SEMA3G: variants seen among roughly 807,000 people sequenced by gnomAD.
The protein encoded by SEMA3G is semaphorin 3G, also known as semaphorin-3G.
A neutral mutation model predicts 86.2 loss-of-function variants in SEMA3G; 70 were observed. That is an observed-to-expected ratio of 0.81 (90% CI 0.67 to 0.99). SEMA3G has a LOEUF of 0.99. Ranked by LOEUF, SEMA3G falls within the 50% of genes least tolerant of loss-of-function variation. The probability of loss-of-function intolerance (pLI) is 0.00; values close to 1 mark genes in which losing one functional copy is unlikely to be tolerated. For missense variants in SEMA3G, 1,002 were observed against 1,072.4 expected (o/e 0.93, Z 0.92); for synonymous variants, 416 against 441.4 (o/e 0.94, Z 0.72).
intron 1 of SEMA3G, among the ~76,000 whole-genome samples, chr3:52,443,830 C>A (rs1011930423): frequency 5.3e-5 from 8 of 152,208 alleles, no homozygotes; most frequent in African/African-American, 1.9e-4. Flanking sequence ...CAGGGACGAG[C>A]GCCATCTCCC....
intron 10 of SEMA3G, 122 bp downstream of exon 10, chr3:52,440,255 G>T: frequency 1.7e-6 from 2 of 1,155,596 alleles, no homozygotes; most frequent in Non-Finnish European, 2.4e-6. Context: ...GCCCTCTGGA[G>T]CCCAGGCTTG....
rs1439310384 is a variant in SEMA3G, at chr3:52,433,549, T to C, written c.*2054A>G. 1 of 152,568 alleles carries C rather than the reference T, an allele frequency of 6.6e-6. No homozygotes were observed. The highest frequency in any genetic ancestry group is 1.9e-4 in the East Asian group (1 of 5,184). The allele number at this position is 152,568 out of a possible 1,614,324, so 9.5% of individuals were successfully genotyped here. The stretch of plus-strand genomic sequence containing the variant: ...CAGGAGTTAATAGCATACAGTACCA[T>C]GGGTAGGGTGTGGTTGGCAGAAGCT... On this transcript the variant is annotated 3_prime_UTR_variant, in exon 16 of 16. Transcript: ENST00000231721.
Position 52,441,844 on chromosome 3 carries a change from G to A in SEMA3G, c.525C>T (p.Ser175=). ...CTATGAAGGTGCTGGCAAAGGGACGGCTGGGCTCGTGAGGGCACCGCCCCC... is the reference window on the plus strand; with the variant it reads ...CTATGAAGGTGCTGGCAAAGGGACGACTGGGCTCGTGAGGGCACCGCCCCC... ...SGRGRCPHEP[S]RPFASTFIDG... Residue 175 remains serine (S), a synonymous_variant, in exon 5 of 16, where the codon AGC becomes AGT. Coordinates refer to ENST00000231721, the MANE Select transcript of SEMA3G (RefSeq NM_020163.3). 1 of 1,603,118 alleles carries A rather than the reference G, an allele frequency of 6.2e-7. No individual in the cohort carries two copies. Among genetic ancestry groups the A allele is most frequent in the Non-Finnish European group, 8.5e-7 (1 of 1,175,062 alleles).
intron 14 of SEMA3G, 56 bp downstream of exon 14, chr3:52,437,915 G>T: frequency 2.7e-6 from 4 of 1,491,688 alleles, no homozygotes; most frequent in Non-Finnish European, 1.9e-6. Flanking sequence ...GGGTGGAGCC[G>T]GGCCACAGGG....
chr3:52,442,546 C>G lies in SEMA3G; in HGVS notation c.339+13G>C, dbSNP rs552958467. Reference sequence around the variant, plus strand: ...TGTCAGGTCGGGGGACCATCCCTCCCGACAGCACTCACCAAAGGATCTCTT... The same window carrying G: ...TGTCAGGTCGGGGGACCATCCCTCCGGACAGCACTCACCAAAGGATCTCTT... On this transcript the variant is annotated intron_variant, in intron 3 of 15. Transcript: ENST00000231721. This position sits in a 1 kb window ranked among gnomAD's most constrained non-coding sequence, Gnocchi z 6.1. 1.2e-6 allele frequency: 2 copies of G among 1,613,930 alleles called. No homozygotes were observed. The highest frequency in any genetic ancestry group is 2.2e-5 in the East Asian group (1 of 44,872).
rs1559608241 is a variant in SEMA3G, at chr3:52,436,048, T to G, written c.1904A>C (p.His635Pro). 3.1e-6 allele frequency: 5 copies of G among 1,611,508 alleles called. No individual in the cohort carries two copies. The highest frequency in any genetic ancestry group is 4.2e-6 in the Non-Finnish European group (5 of 1,178,632). ...DQVKTDERVL[H>P]TERGLLFRRL... Reference sequence around the variant, plus strand: ...GCGGAACAGCAGCCCCCGCTCCGTGTGCAAGACTCGCTCGTCCGTCTTCAC... The same window carrying G: ...GCGGAACAGCAGCCCCCGCTCCGTGGGCAAGACTCGCTCGTCCGTCTTCAC... Residue 635 changes from histidine (H) to proline (P), a missense_variant, in exon 16 of 16, where the codon CAC (histidine) becomes CCC (proline). Transcript: ENST00000231721.
At position 52,433,625 on chromosome 3, in the gene SEMA3G, C is replaced by T. The variant is rs774675210; in HGVS notation, c.*1978G>A. The T allele has an allele frequency of 1.3e-5, 2 of 152,612 alleles. No homozygotes were observed. Among genetic ancestry groups the T allele is most frequent in the Non-Finnish European group, 2.9e-5 (2 of 68,034 alleles). The allele number at this position is 152,612 out of a possible 1,614,324, so 9.5% of individuals were successfully genotyped here. ...TCGTTGCTGAGGATCTTGTGCTCCT[C>T]CTCCCTTCGTTTTCTAGAGTAACTT... On this transcript the variant is annotated 3_prime_UTR_variant, in exon 16 of 16. Transcript: ENST00000231721.
intron 13 of SEMA3G, chr3:52,438,624 G>T: frequency 2.0e-6 from 2 of 985,492 alleles, no homozygotes; most frequent in Non-Finnish European, 2.4e-6. Context: ...AATATAGTAG[G>T]CCTCTAAAAA....
chr3:52,438,274 G>T, intron 13 of SEMA3G, 75 bp from the exon 14 acceptor site: 1 of 1,461,936 alleles, frequency 6.8e-7, no homozygotes, highest in Non-Finnish European at 9.4e-7. Context: ...CAGCCCCTCA[G>T]CTTCCTGAGA....
chr3:52,438,700 C>T (rs1050213854), intron 13 of SEMA3G: 2 of 985,390 alleles, frequency 2.0e-6, no homozygotes, highest in African/African-American at 3.5e-5. Flanking sequence ...CCCTTAGGAA[C>T]TGGCCTTTGT....
Position 52,439,857 on chromosome 3 carries a change from G to T in SEMA3G, c.1375+10C>A, listed in dbSNP as rs1468853133. ...TCTCCAGCCTGGCCACCCTGGCTCA[G>T]CTGTCCTACCAGTCCCCAGGAAAAT... On this transcript the variant is annotated intron_variant, in intron 11 of 15. Coordinates refer to ENST00000231721, the MANE Select transcript of SEMA3G (RefSeq NM_020163.3). The T allele has an allele frequency of 6.2e-7, 1 of 1,611,946 alleles. No homozygotes were observed. Among genetic ancestry groups the T allele is most frequent in the Non-Finnish European group, 8.5e-7 (1 of 1,178,496 alleles).
intron 1 of SEMA3G, among the ~76,000 whole-genome samples, chr3:52,444,688 C>T (rs572534957): frequency 1.0e-5 from 1 of 98,246 alleles, no homozygotes; most frequent in Non-Finnish European, 2.0e-5. Flanking sequence ...CACGCAAACT[C>T]GGCACACGCA....
rs752115029 is a variant in SEMA3G, at chr3:52,445,069, C to G, written c.-42G>C. 1.6e-6 allele frequency: 2 copies of G among 1,255,740 alleles called. No individual in the cohort carries two copies. The highest frequency in any genetic ancestry group is 4.2e-5 in the Admixed American group (1 of 23,770). 77.8% of individuals were successfully genotyped at this position (1,255,740 alleles called of 1,614,324 possible). On this transcript the variant is annotated 5_prime_UTR_variant, in exon 1 of 16. Coordinates refer to ENST00000231721, the MANE Select transcript of SEMA3G (RefSeq NM_020163.3). ...CACCGCTGCCGCCTGCCTGCAGAGC[C>G]GCCCTCTGGTCCCGCTGGCCGCCGG...
Position 52,445,054 on chromosome 3 carries a change from G to A in SEMA3G, c.-27C>T, listed in dbSNP as rs1426175480. The A allele has an allele frequency of 1.0e-5, 13 of 1,261,836 alleles. No homozygotes were observed. Among genetic ancestry groups the A allele is most frequent in the African/African-American group, 1.5e-5 (1 of 64,540 alleles). The allele number at this position is 1,261,836 out of a possible 1,614,324, so 78.2% of individuals were successfully genotyped here. On this transcript the variant is annotated 5_prime_UTR_variant, in exon 1 of 16. Coordinates refer to ENST00000231721, the MANE Select transcript of SEMA3G (RefSeq NM_020163.3). ...CTGGGGAACTGAGGGCACCGCTGCC[G>A]CCTGCCTGCAGAGCCGCCCTCTGGT...
rs1378550014 is a variant in SEMA3G, at chr3:52,437,723, C to A, written c.1739-57G>T. 6.4e-6 allele frequency: 10 copies of A among 1,563,926 alleles called. No homozygotes were observed. The East Asian group carries it at 2.3e-4, about 36-fold the overall frequency. On this transcript the variant is annotated intron_variant, in intron 14 of 15. Coordinates refer to ENST00000231721, the MANE Select transcript of SEMA3G (RefSeq NM_020163.3). Reference sequence around the variant, plus strand: ...GAACTATGGGACCCAGATCCCAGTGCCACCACCTGACACCACAGCTCAGGA... The same window carrying A: ...GAACTATGGGACCCAGATCCCAGTGACACCACCTGACACCACAGCTCAGGA...
chr3:52,441,408 G>A lies in SEMA3G; in HGVS notation c.669C>T (p.Asp223=), dbSNP rs753880145. ...RSDSDQSLLH[D]PRFVMAARIP... Reference sequence around the variant, plus strand: ...TCCGGGCGGCCATCACAAACCGGGGGTCTGGAAGGGTGACAGGGTCATGCT... The same window carrying A: ...TCCGGGCGGCCATCACAAACCGGGGATCTGGAAGGGTGACAGGGTCATGCT... The change falls in exon 7 of 16, where the codon GAC becomes GAT. Residue 223 remains aspartate, a splice_region_variant and synonymous_variant. Coordinates refer to ENST00000231721, the MANE Select transcript of SEMA3G (RefSeq NM_020163.3). 3.1e-6 allele frequency: 5 copies of A among 1,613,380 alleles called. No homozygotes were observed. The highest frequency in any genetic ancestry group is 2.5e-6 in the Non-Finnish European group (3 of 1,179,738).
intron 1 of SEMA3G, chr3:52,443,163 T>C (rs1160376400): frequency 1.2e-6 from 1 of 823,360 alleles, no homozygotes; most frequent in Non-Finnish European, 1.9e-6. Flanking sequence ...TAGCCCTTCA[T>C]CATGCAGCTA....
Position 52,444,965 on chromosome 3 carries a change from G to A in SEMA3G, c.63C>T (p.Ser21=). The change falls in exon 1 of 16, where the codon AGC becomes AGT. Residue 21 remains serine, a synonymous_variant. Coordinates refer to ENST00000231721, the MANE Select transcript of SEMA3G (RefSeq NM_020163.3). The part of the protein sequence containing the change: ...LLGGLLLHGG[S]SGPSPGPSVP... ...CACTGGGGCCGGGGCTGGGGCCAGA[G>A]CTACCCCCATGGAGCAGGAGGCCCC... 1 of 1,301,360 alleles carries A rather than the reference G, an allele frequency of 7.7e-7. No homozygotes were observed. The allele number at this position is 1,301,360 out of a possible 1,614,324, so 80.6% of individuals were successfully genotyped here.
rs200816034 is a variant in SEMA3G at position 52,436,062 on chromosome 3, G to A, written c.1890C>T (p.Asp630=). ...GDEGPDQVKT[D]ERVLHTERGL... is the part of the protein sequence containing the mutation. ...CCCGCTCCGTGTGCAAGACTCGCTC[G>A]TCCGTCTTCACCTGCCATGCGGGCG... The change falls in exon 16 of 16, where the codon GAC becomes GAT. Residue 630 remains aspartate (D), a synonymous_variant. Transcript: ENST00000231721. 40 of 1,608,474 alleles carry A rather than the reference G, an allele frequency of 2.5e-5. No individual in the cohort carries two copies. In the Admixed American group the frequency reaches 3.8e-4, roughly 15 times the overall value.
Sources: gnomAD v4.1 joint callset for allele counts (sites outside exome capture counted in the v4.1 genomes callset) on GRCh38, gnomAD v4.1.1 for gene constraint, Gnocchi (gnomAD v3.1) non-coding constraint, MANE v1.5 for transcripts, NCBI Gene and HGNC (gene_info 2026-07-23, HGNC 2026-07-21) for gene names.